The following ST7L variants were observed in gnomAD, a reference collection of about 807,000 sequenced individuals.
ST7L encodes suppression of tumorigenicity 7 like.
In ST7L, 57 loss-of-function variants were observed where a neutral mutation model predicts 72.5. The observed-to-expected ratio is 0.79, with a 90% CI of 0.64 to 0.98. The LOEUF is 0.98. Among genes scored for constraint, ST7L ranks in the 50% least tolerant of loss-of-function variants. The pLI is 0.00. For missense variants in ST7L, 576 were observed against 672.2 expected, an observed-to-expected ratio of 0.86 and a Z score of 1.58; for synonymous variants, 221 against 240.9, an observed-to-expected ratio of 0.92 and a Z score of 0.77.
chr1:112,600,267 A>C lies in ST7L; in HGVS notation c.506+527T>G, dbSNP rs187486618. 1.8e-3 allele frequency among the ~76,000 whole-genome samples: 279 copies of C among 152,146 alleles called. 1 individual carries two copies. The highest frequency in any genetic ancestry group is 7.7e-4 in the East Asian group (4 of 5,172). The stretch of plus-strand genomic sequence containing the variant: ...TGGCCAGGCTGGTCTTGAACTCCTG[A>C]CTTCAAGTGATCCGCCCACCTTGGC... On this transcript the variant is annotated intron_variant, in intron 4 of 14. Transcript: ENST00000358039.
chr1:112,594,420 C>G (rs1055910988), intron 5 of ST7L, among the ~76,000 whole-genome samples: 4 of 151,970 alleles, frequency 2.6e-5, no homozygotes, highest in Non-Finnish European at 2.9e-5. Context: ...GTATTCTGGC[C>G]GTGTATTCAA....
At chr1:112,604,775 T>TA (rs556388277) in intron 3 of ST7L, among the ~76,000 whole-genome samples, 2,222 of 58,770 alleles carry the variant, frequency 0.038, 124 homozygotes, top group Admixed American at 0.08. Flanking sequence ...TTGTCTCTCT[T>TA]AAAAAAAAAA....
rs941225524 is a variant in ST7L at position 112,523,526 on chromosome 1, A to G, written c.*2487T>C. The G allele has an allele frequency of 6.6e-6, 1 of 152,182 alleles. No homozygotes were observed. The highest frequency in any genetic ancestry group is 2.4e-5 in the African/African-American group (1 of 41,432). The allele number at this position is 152,182 out of a possible 1,614,324, so 9.4% of individuals were successfully genotyped here. ...AAATAGACACTAATTTATTTGGAAC[A>G]AGCAGCAAAATGAGAACTTTATTTG... On this transcript the variant is annotated 3_prime_UTR_variant, in exon 15 of 15. Transcript: ENST00000358039.
At chr1:112,540,568 A>G in intron 14 of ST7L, 1 of 985,474 alleles carries the variant, frequency 1.0e-6, no homozygotes, top group Non-Finnish European at 1.2e-6. Context: ...GTGCAGACTC[A>G]GACTCCTAGG....
intron 13 of ST7L, 45 bp from the exon 14 acceptor site, chr1:112,542,135 A>G (rs1442853156): frequency 1.3e-6 from 2 of 1,511,630 alleles, no homozygotes; most frequent in East Asian, 2.3e-5. Flanking sequence ...TCAGAATAAC[A>G]TGTAAACAAG....
Position 112,582,070 on chromosome 1 carries a change from T to A in ST7L, c.991A>T (p.Ile331Phe). The A allele has an allele frequency of 6.2e-7, 1 of 1,613,236 alleles. No homozygotes were observed. Among genetic ancestry groups the A allele is most frequent in the African/African-American group, 1.3e-5 (1 of 74,988 alleles). ...AGTGATTCTAAGAGATTTTCATGGA[T>A]GTTCAACATGGTAAGAGGAGGAAAT... is the stretch of plus-strand genomic sequence containing the variant. ...KEFPPLTMLNIHENLLESLLE... is the reference protein window; with the variant it reads ...KEFPPLTMLNFHENLLESLLE... The change falls in exon 9 of 15, where the codon ATC (isoleucine) becomes TTC (phenylalanine). Residue 331 changes from isoleucine to phenylalanine, a missense_variant. This residue lies in a region of ST7L where 511 missense variants were observed against 600.7 expected (regional missense o/e 0.85). Transcript: ENST00000358039.
chr1:112,595,667 C>T (rs1666376286), intron 5 of ST7L, among the ~76,000 whole-genome samples: 1 of 152,082 alleles, frequency 6.6e-6, no homozygotes, highest in Non-Finnish European at 1.5e-5. Context: ...GATGCTCCTA[C>T]CTTGGCCTCT....
At chr1:112,552,592 C>T (rs1003532200) in intron 12 of ST7L, among the ~76,000 whole-genome samples, 3 of 151,984 alleles carry the variant, frequency 2.0e-5, no homozygotes, top group Non-Finnish European at 4.4e-5. Context: ...TTAGTAGAGA[C>T]GGGGTTTCTC....
chr1:112,553,205 A>T (rs916622823), intron 12 of ST7L, among the ~76,000 whole-genome samples: 4 of 151,420 alleles, frequency 2.6e-5, no homozygotes, highest in Admixed American at 2.6e-4. Flanking sequence ...TCAAGCACAT[A>T]ATCCCAGTTT....
intron 12 of ST7L, among the ~76,000 whole-genome samples, chr1:112,553,233 AACACAC>A (rs71584746): frequency 3.9e-4 from 58 of 149,490 alleles, no homozygotes; most frequent in Admixed American, 1.4e-3. Context: ...CTTTTCTTTA[AACACAC>A]ACACACACAC....
intron 13 of ST7L, among the ~76,000 whole-genome samples, chr1:112,543,065 G>A (rs1178760599): frequency 2.0e-5 from 3 of 152,094 alleles, no homozygotes; most frequent in African/African-American, 4.8e-5. Flanking sequence ...CTCCCAAAGC[G>A]CTGGGATTAC....
At chr1:112,527,494 T>C (rs768581492) in intron 14 of ST7L, 1 of 152,788 alleles carries the variant, frequency 6.5e-6, no homozygotes, top group Non-Finnish European at 1.5e-5. Flanking sequence ...ACACACCAGA[T>C]GGAGGGGATA....
At chr1:112,587,873 G>C (rs1395256376) in intron 6 of ST7L, among the ~76,000 whole-genome samples, 1 of 151,986 alleles carries the variant, frequency 6.6e-6, no homozygotes. Context: ...ATTTTTATAG[G>C]GATTGCACTG....
At chr1:112,556,498 G>A (rs1659135975) in intron 11 of ST7L, among the ~76,000 whole-genome samples, 1 of 152,104 alleles carries the variant, frequency 6.6e-6, no homozygotes, top group Admixed American at 6.6e-5. Context: ...TTTTATAGGT[G>A]AAAGAACTTA....
intron 3 of ST7L, among the ~76,000 whole-genome samples, chr1:112,609,260 A>ATTAAAAATATTT (rs1668704802): frequency 6.6e-6 from 1 of 152,170 alleles, no homozygotes; most frequent in Non-Finnish European, 1.5e-5. Flanking sequence ...GGCCAGGCTC[A>ATTAAAAATATTT]GTGGCTCACG....
In ST7L at chr1:112,555,957, C is replaced by T. The variant is rs1659048989; in HGVS notation, c.1307G>A (p.Ser436Asn). 6.2e-7 allele frequency: 1 copy of T among 1,612,248 alleles called. No individual in the cohort carries two copies. Among genetic ancestry groups the T allele is most frequent in the African/African-American group, 1.3e-5 (1 of 74,910 alleles). The change falls in exon 12 of 15, where the codon AGT becomes AAT. Residue 436 changes from serine to asparagine, a missense_variant. Coordinates refer to ENST00000358039, the MANE Select transcript of ST7L (RefSeq NM_017744.5). The part of the protein sequence containing the change: ...PPEHILKRGD[S>N]EAIAYAFFHL... The stretch of plus-strand genomic sequence containing the variant: ...AAAGAAAGCATAGGCAATTGCTTCA[C>T]TATCACCCCGTTTCAGAATGTGTTC...
chr1:112,595,370 GAAAAAAAAAAAA>G (rs67553307), intron 5 of ST7L, among the ~76,000 whole-genome samples: 294 of 52,044 alleles, frequency 5.6e-3, no homozygotes, highest in African/African-American at 0.019. Context: ...GGTCTCAAAA[GAAAAAAAAAAAA>G]AAAAAAAAAA....
chr1:112,616,229 C>T (rs1669849897), intron 2 of ST7L, among the ~76,000 whole-genome samples: 1 of 152,138 alleles, frequency 6.6e-6, no homozygotes, highest in Admixed American at 6.5e-5. Flanking sequence ...CCAACTTGGG[C>T]TCTGCAGGCA....
chr1:112,529,040 C>G (rs1653929435), intron 14 of ST7L: 1 of 152,174 alleles, frequency 6.6e-6, no homozygotes, highest in Admixed American at 6.5e-5. Context: ...AACCAAACTT[C>G]CCTAACTTCT....
Sources: allele counts gnomAD v4.1 joint callset (sites outside exome capture counted in the v4.1 genomes callset), GRCh38; gene constraint gnomAD v4.1.1; regional missense constraint gnomAD v4.1.1; transcripts MANE v1.5; gene names NCBI Gene and HGNC (gene_info 2026-07-23, HGNC 2026-07-21).